Variants in ACOT12 observed in about 807,000 individuals in gnomAD.
The protein encoded by ACOT12 is acyl-CoA thioesterase 12.
ACOT12 carries 51 observed loss-of-function variants against 67.7 expected under a neutral mutation model. The ratio of observed to expected loss-of-function variants is 0.75; its 90% confidence interval spans 0.60 to 0.95. ACOT12 has a LOEUF of 0.95. ACOT12 is among the 40% of genes least tolerant of loss of function. ACOT12 has a pLI of 0.00. For synonymous variants in ACOT12, 251 were observed against 244.6 expected (o/e 1.03, Z -0.24); for missense variants, 734 against 708.1 (o/e 1.04, Z -0.41).
chr5:81,352,739 C>T (rs1303076876), intron 5 of ACOT12, among the ~76,000 whole-genome samples: 2 of 152,072 alleles, frequency 1.3e-5, no homozygotes, highest in African/African-American at 2.4e-5. Flanking sequence ...TTAAAAATAA[C>T]GAGTATCATT....
the ACOT12 span, among the ~76,000 whole-genome samples, chr5:81,316,214 T>A: frequency 6.6e-6 from 1 of 152,224 alleles, no homozygotes; most frequent in Admixed American, 6.5e-5. Context: ...ACTAACTGGC[T>A]TTTAATCTAG....
In ACOT12 at chr5:81,344,289, T is replaced by C. The variant is rs549731909; in HGVS notation, c.925-74A>G. The C allele has an allele frequency of 2.1e-6, 3 of 1,446,428 alleles. No individual in the cohort carries two copies. The South Asian group carries it at 3.8e-5, about 18-fold the overall frequency. The allele number at this position is 1,446,428 out of a possible 1,614,324, so 89.6% of individuals were successfully genotyped here. A position where few individuals can be genotyped will look rare whatever the true frequency, so the allele number is the denominator to read the frequency against. On this transcript the variant is annotated intron_variant, in intron 8 of 14. Coordinates refer to ENST00000307624, the MANE Select transcript of ACOT12 (RefSeq NM_130767.3). ...CTATCTTAGTGCTATAATCCTTAAG[T>C]ATCCTTCTCCTAAATCAGTCAAAAG...
chr5:81,311,317 T>A, the ACOT12 span: 2 of 1,593,248 alleles, frequency 1.3e-6, no homozygotes, highest in Non-Finnish European at 1.7e-6. Context: ...GGGGTGAGAT[T>A]AGTATTCCTC....
downstream of ACOT12, among the ~76,000 whole-genome samples, chr5:81,326,524 C>G (rs781501199): frequency 6.6e-6 from 1 of 152,186 alleles, no homozygotes; most frequent in African/African-American, 2.4e-5. Flanking sequence ...ACTCATGACA[C>G]AGCAAGCAGC....
chr5:81,353,833 T>C (rs1205722605), intron 5 of ACOT12, among the ~76,000 whole-genome samples: 1 of 152,244 alleles, frequency 6.6e-6, no homozygotes, highest in Non-Finnish European at 1.5e-5. Flanking sequence ...TCCAATCTTT[T>C]ATGTTTGATA....
intron 7 of ACOT12, 113 bp downstream of exon 7, chr5:81,345,772 G>GA (rs1309755223): frequency 1.4e-6 from 2 of 1,391,672 alleles, no homozygotes; most frequent in African/African-American, 1.5e-5. Flanking sequence ...AAAATTGCAT[G>GA]AAAAAAATGG....
chr5:81,309,044 TA>T, the ACOT12 span: 1 of 1,592,228 alleles, frequency 6.3e-7, no homozygotes, highest in Admixed American at 1.7e-5. Context: ...TGATGGTAAG[TA>T]CTGTTACCCT....
At chr5:81,357,841 C>A (rs1759767181) in intron 5 of ACOT12, among the ~76,000 whole-genome samples, 1 of 151,678 alleles carries the variant, frequency 6.6e-6, no homozygotes, top group Non-Finnish European at 1.5e-5. Context: ...CCTCGTCTCC[C>A]CTAAAAACAC....
At chr5:81,357,542 C>T (rs1305374304) in intron 5 of ACOT12, among the ~76,000 whole-genome samples, 1 of 152,044 alleles carries the variant, frequency 6.6e-6, no homozygotes, top group African/African-American at 2.4e-5. Context: ...TGGCCAGCAC[C>T]TCACGCATCA....
chr5:81,334,734 G>A (rs12517153), intron 12 of ACOT12, among the ~76,000 whole-genome samples: 61,988 of 152,108 alleles, frequency 0.41, 13,515 homozygotes, highest in African/African-American at 0.54. Context: ...GTGTCAACAA[G>A]GTGGGCCATG....
chr5:81,341,635 C>T lies in ACOT12; in HGVS notation c.1128+1037G>A, dbSNP rs527296204. Among the ~76,000 whole-genome samples, 234 of 152,282 alleles carry T rather than the reference C, an allele frequency of 1.5e-3. 2 individuals are homozygous for T. Among genetic ancestry groups the T allele is most frequent in the Admixed American group, 2.5e-3 (38 of 15,310 alleles). On this transcript the variant is annotated intron_variant, in intron 11 of 14. Transcript: ENST00000307624. ...TAGTGAGCATCTCTGAAGTGCCAGG[C>T]GCTCCTATGGTCTGGGTGTAGTGGT... is the stretch of plus-strand genomic sequence containing the variant.
chr5:81,333,446 A>T (rs1384507467), intron 12 of ACOT12, among the ~76,000 whole-genome samples: 2 of 152,204 alleles, frequency 1.3e-5, no homozygotes, highest in East Asian at 3.8e-4. Context: ...AGATAATGAT[A>T]CGTGGGGTTA....
chr5:81,367,865 A>G (rs1760130018), intron 3 of ACOT12, among the ~76,000 whole-genome samples: 1 of 152,220 alleles, frequency 6.6e-6, no homozygotes, highest in African/African-American at 2.4e-5. Flanking sequence ...GAGAAAAATG[A>G]TGGGGAAAAA....
intron 3 of ACOT12, among the ~76,000 whole-genome samples, chr5:81,365,700 C>T (rs1175157422): frequency 6.6e-6 from 1 of 152,168 alleles, no homozygotes; most frequent in Non-Finnish European, 1.5e-5. Context: ...TCTACTTTCA[C>T]ACCTACGAAA....
rs1181038672 is a variant in ACOT12 at position 81,347,837 on chromosome 5, TG to T, written c.589del (p.His197ThrfsTer31). ...ELVLPPHANH[H>X]GNTFGGQIMA... ...AATCTGGCCACCAAATGTATTTCCG[TG>T]ATGGTTTGCATGGGGTGGGAGGACC... On this transcript the variant is annotated frameshift_variant, in exon 6 of 15. Transcript: ENST00000307624. LOFTEE classifies it high-confidence loss of function. 5.6e-6 allele frequency: 9 copies of T among 1,614,200 alleles called. No individual in the cohort carries two copies. Among genetic ancestry groups the T allele is most frequent in the Non-Finnish European group, 7.6e-6 (9 of 1,180,036 alleles).
intron 12 of ACOT12, 77 bp from the exon 13 acceptor site, chr5:81,332,682 A>G: frequency 6.4e-7 from 1 of 1,559,882 alleles, no homozygotes. Context: ...TGCTTACATA[A>G]TCTCATTATT....
chr5:81,364,148 T>G (rs1760002853), intron 3 of ACOT12, among the ~76,000 whole-genome samples: 2 of 151,550 alleles, frequency 1.3e-5, no homozygotes. Flanking sequence ...TTATCAGTAA[T>G]CCCATCACCC....
rs1758989765 is a variant in ACOT12 at position 81,336,008 on chromosome 5, TC to T, written c.1129-108del. ...TAGACCAATTGCACTAACTAAGGCA[TC>T]TTATTTCCTGGATGAAATTGAAGCC... On this transcript the variant is annotated intron_variant, in intron 11 of 14. Coordinates refer to ENST00000307624, the MANE Select transcript of ACOT12 (RefSeq NM_130767.3). 9 of 1,176,896 alleles carry T rather than the reference TC, an allele frequency of 7.6e-6. No individual in the cohort carries two copies. The South Asian group carries it at 1.6e-4, about 21-fold the overall frequency. The allele number at this position is 1,176,896 out of a possible 1,614,324, so 72.9% of individuals were successfully genotyped here.
intron 2 of ACOT12, among the ~76,000 whole-genome samples, chr5:81,377,139 C>T (rs558507707): frequency 6.6e-6 from 1 of 152,266 alleles, no homozygotes; most frequent in South Asian, 2.1e-4. Flanking sequence ...AGCTTATCCA[C>T]CACAATCAAG....
Sources: gnomAD v4.1 joint callset for allele counts (sites outside exome capture counted in the v4.1 genomes callset) on GRCh38, gnomAD v4.1.1 for gene constraint, MANE v1.5 for transcripts, NCBI Gene and HGNC (gene_info 2026-07-23, HGNC 2026-07-21) for gene names.